The following PDLIM4 variants were observed in gnomAD, a reference collection of about 807,000 sequenced individuals.
PDLIM4 encodes PDZ and LIM domain protein 4.
In PDLIM4, 19 loss-of-function variants were observed where a neutral mutation model predicts 31.3. The observed-to-expected ratio is 0.61, with a 90% CI of 0.42 to 0.89. The LOEUF (loss-of-function observed/expected upper bound fraction) is 0.89, where lower values mean the gene tolerates loss of function less well. Among genes scored for constraint, PDLIM4 ranks in the 40% least tolerant of loss-of-function variants. The probability of loss-of-function intolerance (pLI) is 0.00; values close to 1 mark genes in which losing one functional copy is unlikely to be tolerated. For synonymous variants in PDLIM4, 176 were observed against 190.1 expected (o/e 0.93, Z 0.61); for missense variants, 442 against 461.1 (o/e 0.96, Z 0.38).
At position 132,266,165 on chromosome 5, in the gene PDLIM4, G is replaced by A. The variant is rs534853006; in HGVS notation, c.246-299G>A. On this transcript the variant is annotated intron_variant, in intron 2 of 6. Transcript: ENST00000253754. Reference sequence around the variant, plus strand: ...TTTGAGCTGAGCTTCTGTAGGCCACGAAGAGGGTGGAAGATTAGGGAAGAC... The same window carrying A: ...TTTGAGCTGAGCTTCTGTAGGCCACAAAGAGGGTGGAAGATTAGGGAAGAC... Among the ~76,000 whole-genome samples the A allele has an allele frequency of 4.6e-5, 7 of 152,324 alleles. No individual in the cohort carries two copies. The South Asian group carries it at 1.0e-3, about 23-fold the overall frequency.
chr5:132,262,798 C>T (rs747918094), intron 2 of PDLIM4, 38 bp downstream of exon 2: 27 of 1,583,056 alleles, frequency 1.7e-5, no homozygotes, highest in Middle Eastern at 1.7e-4. Flanking sequence ...GATGGAAGGA[C>T]GAGGTGGGCA....
At chr5:132,260,296 G>C (rs182654501) in intron 1 of PDLIM4, among the ~76,000 whole-genome samples, 1 of 152,164 alleles carries the variant, frequency 6.6e-6, no homozygotes, top group African/African-American at 2.4e-5. Context: ...TCCTGTCTCT[G>C]TTCCTTCTTT....
At chr5:132,264,093 C>T (rs1756437645) in intron 2 of PDLIM4, among the ~76,000 whole-genome samples, 1 of 152,320 alleles carries the variant, frequency 6.6e-6, no homozygotes, top group African/African-American at 2.4e-5. Flanking sequence ...CCAGCCTTGA[C>T]TCTGTGTGGC....
Position 132,272,389 on chromosome 5 carries a change from T to C in PDLIM4, c.*160T>C, listed in dbSNP as rs1756648614. On this transcript the variant is annotated 3_prime_UTR_variant, in exon 7 of 7. Transcript: ENST00000253754. ...GGCCATGCATGGCTCCCGAGTACAG[T>C]AGTATCTGCTTAGGTGCCAGGCATG... The C allele has an allele frequency of 1.5e-6, 1 of 650,426 alleles. No homozygotes were observed. Among genetic ancestry groups the C allele is most frequent in the Non-Finnish European group, 2.8e-6 (1 of 361,494 alleles). 40.3% of individuals were successfully genotyped at this position (650,426 alleles called of 1,614,324 possible).
chr5:132,270,954 G>C lies in PDLIM4; in HGVS notation c.367G>C (p.Gly123Arg). 6.2e-7 allele frequency: 1 copy of C among 1,614,126 alleles called. No individual in the cohort carries two copies. Among genetic ancestry groups the C allele is most frequent in the South Asian group, 1.1e-5 (1 of 91,088 alleles). Reference sequence around the variant, plus strand: ...AACCAGCAGGCGGCCCTCAGGCACCGGGACTGGGCCAGAAGATGGCAGACC... The same window carrying C: ...AACCAGCAGGCGGCCCTCAGGCACCCGGACTGGGCCAGAAGATGGCAGACC... Reference protein sequence around the residue: ...PTTSRRPSGTGTGPEDGRPSL... With the variant: ...PTTSRRPSGTRTGPEDGRPSL... The change falls in exon 4 of 7, where the codon GGG becomes CGG. Residue 123 changes from glycine to arginine, a missense_variant. By Grantham distance (125) the Gly-to-Arg change is moderately radical (BLOSUM62 -2). Transcript: ENST00000253754.
In PDLIM4 at chr5:132,257,723, C is replaced by T. The variant is rs1437671790; in HGVS notation, c.-12C>T. The T allele has an allele frequency of 1.4e-6, 2 of 1,461,194 alleles. No homozygotes were observed. Among genetic ancestry groups the T allele is most frequent in the Non-Finnish European group, 1.8e-6 (2 of 1,106,978 alleles). The allele number at this position is 1,461,194 out of a possible 1,614,324, so 90.5% of individuals were successfully genotyped here. A position where few individuals can be genotyped will look rare whatever the true frequency, so the allele number is the denominator to read the frequency against. On this transcript the variant is annotated 5_prime_UTR_variant, in exon 1 of 7. Coordinates refer to ENST00000253754, the MANE Select transcript of PDLIM4 (RefSeq NM_003687.4). This position sits in a 1 kb window ranked among gnomAD's most constrained non-coding sequence, Gnocchi z 4.3. The stretch of plus-strand genomic sequence containing the variant: ...AGTCCGGCTCAGGCTCCGGCTGCGG[C>T]TCCAGCCCGCGATGCCCCATTCCGT...
rs185580667 is a variant in PDLIM4 at position 132,270,539 on chromosome 5, G to T, written c.328-376G>T. On this transcript the variant is annotated intron_variant, in intron 3 of 6. Transcript: ENST00000253754. The stretch of plus-strand genomic sequence containing the variant: ...GGCACCAGGGCCACCTCTGCCAGGA[G>T]GCCACATACTCTGCTGTAGCCACAC... 2.4e-3 allele frequency: 622 copies of T among 264,642 alleles called. 4 individuals are homozygous for T. Among genetic ancestry groups the T allele is most frequent in the African/African-American group, 0.012 (568 of 46,244 alleles). The allele number at this position is 264,642 out of a possible 1,614,324, so 16.4% of individuals were successfully genotyped here.
intron 3 of PDLIM4, among the ~76,000 whole-genome samples, chr5:132,268,738 G>A (rs905432225): frequency 2.0e-5 from 3 of 152,188 alleles, no homozygotes; most frequent in African/African-American, 7.2e-5. Flanking sequence ...AGCTAGAACT[G>A]AGCCTCTAGG....
rs772032281 is a variant in PDLIM4, at chr5:132,272,237, C to T, written c.*8C>T. On this transcript the variant is annotated 3_prime_UTR_variant, in exon 7 of 7. Transcript: ENST00000253754. ...AAGGTGGAACTCGTCTGAGCTGGGACCCTGCTCCCACGCCTGCTTCTTAAG... is the reference window on the plus strand; with the variant it reads ...AAGGTGGAACTCGTCTGAGCTGGGATCCTGCTCCCACGCCTGCTTCTTAAG... 1.2e-6 allele frequency: 2 copies of T among 1,610,078 alleles called. No homozygotes were observed. Among genetic ancestry groups the T allele is most frequent in the Non-Finnish European group, 1.7e-6 (2 of 1,176,470 alleles).
chr5:132,258,913 G>A (rs1424770559), intron 1 of PDLIM4, among the ~76,000 whole-genome samples: 3 of 152,124 alleles, frequency 2.0e-5, no homozygotes, highest in African/African-American at 4.8e-5. Flanking sequence ...GGGCCAAGCC[G>A]GCTGGGCTTT....
At chr5:132,263,408 G>A (rs1756418965) in intron 2 of PDLIM4, among the ~76,000 whole-genome samples, 1 of 152,070 alleles carries the variant, frequency 6.6e-6, no homozygotes, top group South Asian at 2.1e-4. Flanking sequence ...TTCCCACTAA[G>A]GACTGTGTAA....
intron 4 of PDLIM4, 64 bp from the exon 5 acceptor site, chr5:132,271,239 C>A: frequency 1.3e-6 from 2 of 1,534,966 alleles, no homozygotes; most frequent in Middle Eastern, 1.7e-4. Context: ...TTACCAGACC[C>A]CAAGTCCACA....
Position 132,272,267 on chromosome 5 carries a change from C to T in PDLIM4, c.*38C>T. The stretch of plus-strand genomic sequence containing the variant: ...CTCCCACGCCTGCTTCTTAAGGTCC[C>T]TGCTCGGCCGGTGTAAATATGTTTC... On this transcript the variant is annotated 3_prime_UTR_variant, in exon 7 of 7. Coordinates refer to ENST00000253754, the MANE Select transcript of PDLIM4 (RefSeq NM_003687.4). 1 of 1,531,898 alleles carries T rather than the reference C, an allele frequency of 6.5e-7. No individual in the cohort carries two copies. The highest frequency in any genetic ancestry group is 9.0e-7 in the Non-Finnish European group (1 of 1,107,012). The allele number at this position is 1,531,898 out of a possible 1,614,324, so 94.9% of individuals were successfully genotyped here. A position where few individuals can be genotyped will look rare whatever the true frequency, so the allele number is the denominator to read the frequency against.
intron 2 of PDLIM4, among the ~76,000 whole-genome samples, chr5:132,264,389 GT>G (rs1177780679): frequency 6.6e-6 from 1 of 152,182 alleles, no homozygotes; most frequent in Non-Finnish European, 1.5e-5. Context: ...ACAGAGCTGG[GT>G]TGAGAATTAT....
At chr5:132,265,565 A>G (rs1756473666) in intron 2 of PDLIM4, among the ~76,000 whole-genome samples, 1 of 152,216 alleles carries the variant, frequency 6.6e-6, no homozygotes, top group South Asian at 2.1e-4. Flanking sequence ...AGTATGGACC[A>G]TAGGCATAGA....
chr5:132,270,188 C>T (rs554973772), intron 3 of PDLIM4, among the ~76,000 whole-genome samples: 177 of 152,314 alleles, frequency 1.2e-3, no homozygotes, highest in Admixed American at 3.0e-3. Context: ...GACACTCCCA[C>T]CCAAAATGTT....
At chr5:132,267,968 C>T (rs965253307) in intron 3 of PDLIM4, among the ~76,000 whole-genome samples, 2 of 152,166 alleles carry the variant, frequency 1.3e-5, no homozygotes, top group African/African-American at 4.8e-5. Context: ...GTGTGGGCCT[C>T]AAGCTCATGC....
rs1756646788 is a variant in PDLIM4, at chr5:132,272,335, T to G, written c.*106T>G. 2.6e-5 allele frequency: 25 copies of G among 947,528 alleles called. No individual in the cohort carries two copies. In the South Asian group the frequency reaches 3.6e-4, roughly 14 times the overall value. The allele number at this position is 947,528 out of a possible 1,614,324, so 58.7% of individuals were successfully genotyped here. On this transcript the variant is annotated 3_prime_UTR_variant, in exon 7 of 7. Coordinates refer to ENST00000253754, the MANE Select transcript of PDLIM4 (RefSeq NM_003687.4). ...AAGCTCCTCTGCTCCACCTTGAACC[T>G]GTCACCTGGCCTGCCACCCTCCTGC...
chr5:132,259,756 C>G (rs143581538), intron 1 of PDLIM4, among the ~76,000 whole-genome samples: 481 of 152,266 alleles, frequency 3.2e-3, no homozygotes, highest in Non-Finnish European at 5.4e-3. Context: ...AGGGAGGAGG[C>G]TATCGGCCCG....
Sources: gnomAD v4.1 joint callset for allele counts (sites outside exome capture counted in the v4.1 genomes callset) on GRCh38, gnomAD v4.1.1 for gene constraint, Gnocchi (gnomAD v3.1) non-coding constraint, MANE v1.5 for transcripts, NCBI Gene and HGNC (gene_info 2026-07-23, HGNC 2026-07-21) for gene names.